The following TAFA1 variants were observed in gnomAD, a reference collection of about 807,000 sequenced individuals.
TAFA1 encodes the protein chemokine-like protein TAFA-1.
Under a neutral mutation model 18.5 loss-of-function variants are expected in TAFA1, and 4 were observed. That is an observed-to-expected ratio of 0.22 (90% CI 0.11 to 0.49). The LOEUF (loss-of-function observed/expected upper bound fraction) is 0.49, where lower values mean the gene tolerates loss of function less well. Ranked by LOEUF, TAFA1 falls within the 20% of genes least tolerant of loss-of-function variation. TAFA1 has a pLI of 0.98. For synonymous variants in TAFA1, 56 were observed against 55.2 expected, an observed-to-expected ratio of 1.01 and a Z score of -0.06; for missense variants, 147 against 169.0, an observed-to-expected ratio of 0.87 and a Z score of 0.72.
intron 3 of TAFA1, among the ~76,000 whole-genome samples, chr3:68,467,877 T>G (rs1312221354): frequency 6.6e-6 from 1 of 152,168 alleles, no homozygotes; most frequent in Non-Finnish European, 1.5e-5. Context: ...AAAAAAGAGT[T>G]CAGGGGAGCC....
intron 2 of TAFA1, among the ~76,000 whole-genome samples, chr3:68,081,716 A>T (rs899854878): frequency 4.6e-5 from 7 of 152,146 alleles, no homozygotes; most frequent in Non-Finnish European, 8.8e-5. Context: ...CTCTCGTCAA[A>T]GCTGTCAGAC....
chr3:68,168,869 A>C (rs1399279676), intron 2 of TAFA1, among the ~76,000 whole-genome samples: 1 of 152,192 alleles, frequency 6.6e-6, no homozygotes, highest in Admixed American at 6.5e-5. Context: ...AGCTGGATGC[A>C]ATTTCTACCT....
chr3:67,994,259 G>A, the TAFA1 span, among the ~76,000 whole-genome samples: 8 of 152,298 alleles, frequency 5.3e-5, 1 homozygote, highest in African/African-American at 1.7e-4. Context: ...TGTCTTTATA[G>A]TTCAGTAGAA....
intron 2 of TAFA1, among the ~76,000 whole-genome samples, chr3:68,293,144 A>G (rs1302885840): frequency 6.6e-6 from 1 of 152,190 alleles, no homozygotes; most frequent in Non-Finnish European, 1.5e-5. Context: ...CTAACCCTTC[A>G]TAGTTGATGA....
intron 2 of TAFA1, among the ~76,000 whole-genome samples, chr3:68,066,842 G>A (rs2064684580): frequency 6.6e-6 from 1 of 152,110 alleles, no homozygotes; most frequent in Non-Finnish European, 1.5e-5. Context: ...CAAAATAGCT[G>A]GGAAGAACGT....
At chr3:68,332,508 T>C (rs1224534892) in intron 2 of TAFA1, among the ~76,000 whole-genome samples, 1 of 152,184 alleles carries the variant, frequency 6.6e-6, no homozygotes, top group East Asian at 1.9e-4. Flanking sequence ...TTGCAAACCA[T>C]GTATTGGACA....
chr3:68,153,991 C>T (rs2065836589), intron 2 of TAFA1, among the ~76,000 whole-genome samples: 1 of 152,074 alleles, frequency 6.6e-6, no homozygotes, highest in Non-Finnish European at 1.5e-5. Flanking sequence ...TATGTCAGGC[C>T]TTTTATTAGT....
chr3:68,111,768 A>C (rs1188685249), intron 2 of TAFA1, among the ~76,000 whole-genome samples: 1 of 119,610 alleles, frequency 8.4e-6, no homozygotes, highest in African/African-American at 3.1e-5. Flanking sequence ...AATCCATGAC[A>C]CACACATGAG....
chr3:68,310,165 C>T (rs546649109), intron 2 of TAFA1, among the ~76,000 whole-genome samples: 1 of 152,014 alleles, frequency 6.6e-6, no homozygotes, highest in African/African-American at 2.4e-5. Context: ...AATTTCATGT[C>T]TTTTTTTCAG....
intron 2 of TAFA1, among the ~76,000 whole-genome samples, chr3:68,125,345 C>T (rs531580176): frequency 6.6e-6 from 1 of 152,194 alleles, no homozygotes; most frequent in Admixed American, 6.5e-5. Context: ...CAAGAGCTAC[C>T]TGTGCTGCTA....
At chr3:68,179,007 G>A (rs1354352306) in intron 2 of TAFA1, among the ~76,000 whole-genome samples, 2 of 152,258 alleles carry the variant, frequency 1.3e-5, no homozygotes, top group African/African-American at 2.4e-5. Context: ...GATATTGTAT[G>A]TTTTTACTGT....
intron 2 of TAFA1, among the ~76,000 whole-genome samples, chr3:68,154,908 G>A (rs1444048770): frequency 6.6e-6 from 1 of 152,044 alleles, no homozygotes; most frequent in Non-Finnish European, 1.5e-5. Flanking sequence ...TGAAGACAGG[G>A]AAAAAGACCA....
At chr3:68,229,078 G>T (rs2107111303) in intron 2 of TAFA1, among the ~76,000 whole-genome samples, 1 of 152,218 alleles carries the variant, frequency 6.6e-6, no homozygotes, top group South Asian at 2.1e-4. Flanking sequence ...AAAAACAGGA[G>T]GCTTCACTTT....
intron 3 of TAFA1, among the ~76,000 whole-genome samples, chr3:68,470,199 C>A (rs1387070556): frequency 6.6e-6 from 1 of 152,222 alleles, no homozygotes; most frequent in East Asian, 1.9e-4. Context: ...CTTTGATTCT[C>A]ATTCACCTTC....
intron 2 of TAFA1, among the ~76,000 whole-genome samples, chr3:68,304,184 G>A (rs2068363671): frequency 6.6e-6 from 1 of 152,192 alleles, no homozygotes; most frequent in African/African-American, 2.4e-5. Flanking sequence ...CACAATAGCT[G>A]TGTGATTTAA....
rs184548858 is a variant in TAFA1, at chr3:68,130,964, G to A, written c.118+124220G>A. Reference sequence around the variant, plus strand: ...TCATTCATTGGTGGGTGTGTCTGTGGTCTGCCTCCCCAGTGTCAAAGACAA... The same window carrying A: ...TCATTCATTGGTGGGTGTGTCTGTGATCTGCCTCCCCAGTGTCAAAGACAA... On this transcript the variant is annotated intron_variant, in intron 2 of 4. Transcript: ENST00000478136. 3.5e-3 allele frequency among the ~76,000 whole-genome samples: 537 copies of A among 152,188 alleles called. 1 individual carries two copies. Among genetic ancestry groups the A allele is most frequent in the Non-Finnish European group, 5.6e-3 (381 of 68,010 alleles).
At chr3:68,200,460 C>T (rs186994798) in intron 2 of TAFA1, among the ~76,000 whole-genome samples, 4 of 151,536 alleles carry the variant, frequency 2.6e-5, no homozygotes, top group African/African-American at 9.7e-5. Context: ...CCCATTGAAG[C>T]CTGGTGCTTT....
chr3:68,019,189 G>A (rs1704628929), intron 2 of TAFA1, among the ~76,000 whole-genome samples: 1 of 152,172 alleles, frequency 6.6e-6, no homozygotes, highest in South Asian at 2.1e-4. Context: ...CAGTTAGCTT[G>A]TTGTATATCA....
chr3:68,028,594 G>GA (rs1704866467), intron 2 of TAFA1, among the ~76,000 whole-genome samples: 1 of 152,002 alleles, frequency 6.6e-6, no homozygotes, highest in African/African-American at 2.4e-5. Context: ...AGGCTCTAGA[G>GA]AAAAATCCCT....
Sources: gnomAD v4.1 joint callset for allele counts (sites outside exome capture counted in the v4.1 genomes callset) on GRCh38, gnomAD v4.1.1 for gene constraint, MANE v1.5 for transcripts, NCBI Gene and HGNC (gene_info 2026-07-23, HGNC 2026-07-21) for gene names.